REEP1: variants seen among roughly 807,000 people sequenced by gnomAD.
REEP1 encodes the protein receptor expression-enhancing protein 1.
REEP1 carries 22 observed loss-of-function variants against 40.3 expected under a neutral mutation model. The ratio of observed to expected loss-of-function variants is 0.55; its 90% CI spans 0.39 to 0.78. The LOEUF (loss-of-function observed/expected upper bound fraction) is 0.78, where lower values mean the gene tolerates loss of function less well. Ranked by LOEUF, REEP1 falls within the 30% of genes least tolerant of loss-of-function variation. The pLI, the probability that REEP1 is intolerant of heterozygous loss-of-function variation, is 0.00. For synonymous variants in REEP1, 116 were observed against 139.2 expected (o/e 0.83, Z 1.17); for missense variants, 280 against 361.1 (o/e 0.78, Z 1.82).
Position 86,337,230 on chromosome 2 carries a change from G to C in REEP1, c.32+249C>G, listed in dbSNP as rs1203049331. ...CCCCACGGAACCCCCGAGCGCCCCA[G>C]CCCTCGCCGTCCCGGCCCAGCCCCC... On this transcript the variant is annotated intron_variant, in intron 1 of 8. Coordinates refer to ENST00000538924, the MANE Select transcript of REEP1 (RefSeq NM_001371279.1). This position sits in a 1 kb window ranked among gnomAD's most constrained non-coding sequence, Gnocchi z 5.8. The C allele has an allele frequency of 1.9e-4, 44 of 226,426 alleles. 1 individual carries two copies. In the East Asian group the frequency reaches 4.0e-3, roughly 21 times the overall value. 14.0% of individuals were successfully genotyped at this position (226,426 alleles called of 1,614,324 possible). A position where few individuals can be genotyped will look rare whatever the true frequency, so the allele number is the denominator to read the frequency against.
At chr2:86,241,224 A>G (rs1675649889) in intron 5 of REEP1, among the ~76,000 whole-genome samples, 1 of 152,226 alleles carries the variant, frequency 6.6e-6, no homozygotes. Context: ...GCCCTGCTGG[A>G]AAGGGACAAT....
intron 3 of REEP1, among the ~76,000 whole-genome samples, chr2:86,256,347 CAAA>C (rs35885517): frequency 2.7e-4 from 27 of 100,276 alleles, no homozygotes; most frequent in African/African-American, 7.3e-4. Flanking sequence ...GATTCCATCT[CAAA>C]AAAAAAAAAA....
chr2:86,337,971 G>C, upstream of REEP1: 1 of 1,470,006 alleles, frequency 6.8e-7, no homozygotes, highest in Admixed American at 2.0e-5. The surrounding 1 kb of genome is among the most constrained non-coding windows in gnomAD (Gnocchi z 5.8). Flanking sequence ...CTGTCTAGGT[G>C]GGATGCTGTC....
intron 2 of REEP1, among the ~76,000 whole-genome samples, chr2:86,273,326 C>A (rs1677567881): frequency 6.8e-6 from 1 of 147,968 alleles, no homozygotes; most frequent in African/African-American, 2.5e-5. Flanking sequence ...CGCTTGTCAT[C>A]CAAGCTGAAG....
Position 86,216,074 on chromosome 2 carries a change from C to CA in REEP1, c.*964dup. ...CTAGAGTTCGCTAAAACAAGGTGCT[C>CA]AGAGTGTAAGCTCCTCTGTCAGGAA... is the stretch of plus-strand genomic sequence containing the variant. On this transcript the variant is annotated 3_prime_UTR_variant, in exon 9 of 9. Transcript: ENST00000538924. The CA allele has an allele frequency of 6.6e-6, 1 of 152,310 alleles. No homozygotes were observed. Among genetic ancestry groups the CA allele is most frequent in the African/African-American group, 2.4e-5 (1 of 41,556 alleles). The allele number at this position is 152,310 out of a possible 1,614,324, so 9.4% of individuals were successfully genotyped here.
intron 5 of REEP1, among the ~76,000 whole-genome samples, chr2:86,239,635 A>G (rs762127204): frequency 7.9e-5 from 12 of 152,190 alleles, no homozygotes; most frequent in Non-Finnish European, 1.6e-4. Flanking sequence ...TCCCAATGAC[A>G]TGCTGCATGA....
At chr2:86,302,507 T>C (rs1467498518) in intron 1 of REEP1, among the ~76,000 whole-genome samples, 1 of 152,196 alleles carries the variant, frequency 6.6e-6, no homozygotes, top group Non-Finnish European at 1.5e-5. Context: ...GATCCAGTAA[T>C]TGCACTTCTG....
intron 6 of REEP1, among the ~76,000 whole-genome samples, chr2:86,227,803 T>A (rs1349970051): frequency 6.6e-6 from 1 of 152,194 alleles, no homozygotes; most frequent in Non-Finnish European, 1.5e-5. Context: ...TCTGGGCATT[T>A]GCAAAGGCCT....
At chr2:86,305,028 A>G (rs527910781) in intron 1 of REEP1, among the ~76,000 whole-genome samples, 4 of 147,404 alleles carry the variant, frequency 2.7e-5, no homozygotes, top group African/African-American at 9.9e-5. Flanking sequence ...TCAAGTCTTC[A>G]TTTTTTTTTT....
At chr2:86,277,441 TG>T (rs370033546) in intron 2 of REEP1, among the ~76,000 whole-genome samples, 80 of 151,686 alleles carry the variant, frequency 5.3e-4, no homozygotes, top group African/African-American at 1.9e-3. Context: ...CTGTAATTCC[TG>T]CTACTGGGGA....
intron 8 of REEP1, 43 bp downstream of exon 8, chr2:86,219,925 CTT>C (rs1000139804): frequency 8.1e-7 from 1 of 1,230,880 alleles, no homozygotes; most frequent in Non-Finnish European, 1.0e-6. Context: ...AGGGCATAGC[CTT>C]TGGACAAACA....
chr2:86,334,000 C>T (rs555901520), intron 1 of REEP1, among the ~76,000 whole-genome samples: 9 of 152,330 alleles, frequency 5.9e-5, no homozygotes, highest in Non-Finnish European at 1.3e-4. Flanking sequence ...TGCTGACCTC[C>T]GTCCCCAGGG....
intron 1 of REEP1, among the ~76,000 whole-genome samples, chr2:86,300,675 C>A (rs982560690): frequency 3.9e-5 from 6 of 152,194 alleles, no homozygotes; most frequent in Non-Finnish European, 5.9e-5. Flanking sequence ...GACTCAGCTG[C>A]AACTCCCTGC....
intron 1 of REEP1, among the ~76,000 whole-genome samples, chr2:86,303,504 C>A (rs1477397183): frequency 1.3e-5 from 2 of 151,230 alleles, no homozygotes; most frequent in African/African-American, 4.9e-5. Context: ...CAGACATGAG[C>A]CACCACGCCT....
chr2:86,337,406 A>T lies in REEP1; in HGVS notation c.32+73T>A. The T allele has an allele frequency of 9.7e-7, 1 of 1,035,524 alleles. No individual in the cohort carries two copies. Among genetic ancestry groups the T allele is most frequent in the South Asian group, 4.3e-5 (1 of 23,524 alleles). The allele number at this position is 1,035,524 out of a possible 1,614,324, so 64.1% of individuals were successfully genotyped here. ...CCGAGCCACTGGGACCGGGCGCTGT[A>T]GGGGCGCGCGCAGCCCGGGGCCGGG... is the stretch of plus-strand genomic sequence containing the variant. On this transcript the variant is annotated intron_variant, in intron 1 of 8. Coordinates refer to ENST00000538924, the MANE Select transcript of REEP1 (RefSeq NM_001371279.1). This position sits in a 1 kb window ranked among gnomAD's most constrained non-coding sequence, Gnocchi z 5.8.
intron 1 of REEP1, among the ~76,000 whole-genome samples, chr2:86,301,671 C>A (rs1267210288): frequency 6.6e-6 from 1 of 152,182 alleles, no homozygotes; most frequent in Non-Finnish European, 1.5e-5. Context: ...GAGAGAGCAT[C>A]CTCACCACAT....
In REEP1 at chr2:86,251,964, G is replaced by A; in HGVS notation, c.410C>T (p.Ala137Val). The change falls in exon 5 of 9, where the codon GCT becomes GTT. Residue 137 changes from alanine to valine, a missense_variant. Transcript: ENST00000538924. ...GTACTTCCAGCACAGTACCTTGGAA[G>A]CAGCCATCACAGCCGCTGTGGCGGC... ...NVAATAAVMAASKGQGALSER... is the reference protein window; with the variant it reads ...NVAATAAVMAVSKGQGALSER... 6.2e-7 allele frequency: 1 copy of A among 1,611,624 alleles called. No homozygotes were observed. Among genetic ancestry groups the A allele is most frequent in the Non-Finnish European group, 8.5e-7 (1 of 1,178,054 alleles).
At position 86,274,295 on chromosome 2, in the gene REEP1, A is replaced by G. The variant is rs551721252; in HGVS notation, c.105+7875T>C. ...AGCTTTATGTGGCTCAGGGCAGCCAAGAAGATTGCCCAACGGATTCCTAGA... is the reference window on the plus strand; with the variant it reads ...AGCTTTATGTGGCTCAGGGCAGCCAGGAAGATTGCCCAACGGATTCCTAGA... On this transcript the variant is annotated intron_variant, in intron 2 of 8. Transcript: ENST00000538924. Among the ~76,000 whole-genome samples, 20 of 152,368 alleles carry G rather than the reference A, an allele frequency of 1.3e-4. 1 individual carries two copies. Among genetic ancestry groups the G allele is most frequent in the African/African-American group, 4.6e-4 (19 of 41,590 alleles).
chr2:86,338,007 C>T, upstream of REEP1: 1 of 1,535,648 alleles, frequency 6.5e-7, no homozygotes, highest in Non-Finnish European at 8.7e-7. Flanking sequence ...AGTGCGTTAG[C>T]CTCATAAAGG....
Sources: gnomAD v4.1 joint callset for allele counts (sites outside exome capture counted in the v4.1 genomes callset) on GRCh38, gnomAD v4.1.1 for gene constraint, Gnocchi (gnomAD v3.1) non-coding constraint, MANE v1.5 for transcripts, NCBI Gene and HGNC (gene_info 2026-07-23, HGNC 2026-07-21) for gene names.